Variants in RCHY1 observed in about 807,000 individuals in gnomAD.
RCHY1 encodes the protein RING finger and CHY zinc finger domain-containing protein 1.
A neutral mutation model predicts 41.6 loss-of-function variants in RCHY1; 21 were observed. The ratio of observed to expected loss-of-function variants is 0.51; its 90% confidence interval spans 0.36 to 0.73. The LOEUF (loss-of-function observed/expected upper bound fraction) is 0.73. RCHY1 is among the 30% of genes least tolerant of loss of function. The probability of loss-of-function intolerance (pLI) is 0.00; values close to 1 mark genes in which losing one functional copy is unlikely to be tolerated. For missense variants in RCHY1, 265 were observed against 325.3 expected, an observed-to-expected ratio of 0.81 and a Z score of 1.43; for synonymous variants, 79 against 102.9, an observed-to-expected ratio of 0.77 and a Z score of 1.41.
intron 3 of RCHY1, among the ~76,000 whole-genome samples, chr4:75,504,865 T>C (rs577161184): frequency 2.0e-5 from 3 of 152,346 alleles, no homozygotes; most frequent in African/African-American, 7.2e-5. Context: ...AAAATATTTT[T>C]TAAAGTAAAA....
At chr4:75,505,237 A>C (rs948996539) in intron 3 of RCHY1, among the ~76,000 whole-genome samples, 4 of 152,200 alleles carry the variant, frequency 2.6e-5, no homozygotes, top group Non-Finnish European at 5.9e-5. Context: ...GGCAGAGCTC[A>C]GACAGTAATG....
chr4:75,505,308 C>A (rs1232357373), intron 3 of RCHY1, among the ~76,000 whole-genome samples: 1 of 152,148 alleles, frequency 6.6e-6, no homozygotes, highest in Non-Finnish European at 1.5e-5. Context: ...GGCCATGCAC[C>A]AGAATCCGCA....
chr4:75,486,843 G>A (rs1290560154), intron 8 of RCHY1, among the ~76,000 whole-genome samples: 3 of 152,130 alleles, frequency 2.0e-5, no homozygotes, highest in Admixed American at 2.0e-4. Flanking sequence ...GCCAGGCGTA[G>A]TGGTGTGCGC....
At chr4:75,487,832 TA>T in intron 8 of RCHY1, among the ~76,000 whole-genome samples, 1 of 106,774 alleles carries the variant, frequency 9.4e-6, no homozygotes, top group Admixed American at 1.1e-4. Context: ...ATAATATATA[TA>T]TTCATAATAT....
chr4:75,508,991 T>C (rs961317120), intron 2 of RCHY1, 56 bp from the exon 3 acceptor site: 15 of 1,327,678 alleles, frequency 1.1e-5, no homozygotes, highest in Non-Finnish European at 1.5e-5. Flanking sequence ...GAGTTACCAT[T>C]TGAATATCTA....
intron 3 of RCHY1, chr4:75,494,492 T>C (rs2148734534): frequency 7.8e-6 from 2 of 254,900 alleles, no homozygotes; most frequent in South Asian, 6.5e-5. Context: ...ATTCTGCAAC[T>C]TTTTTTCACT....
intron 1 of RCHY1, among the ~76,000 whole-genome samples, chr4:75,510,763 A>T (rs1210377589): frequency 6.6e-6 from 1 of 152,198 alleles, no homozygotes; most frequent in Non-Finnish European, 1.5e-5. Context: ...GGTTTTTAAA[A>T]TATTACTTCT....
At chr4:75,483,189 A>C (rs1721667550) in intron 8 of RCHY1, among the ~76,000 whole-genome samples, 1 of 152,210 alleles carries the variant, frequency 6.6e-6, no homozygotes, top group African/African-American at 2.4e-5. Flanking sequence ...CTCTTCGCTC[A>C]TCCCTACAAT....
Position 75,479,183 on chromosome 4 carries a change from A to G in RCHY1, c.*3355T>C, listed in dbSNP as rs2148696869. 1 of 152,276 alleles carries G rather than the reference A, an allele frequency of 6.6e-6. No individual in the cohort carries two copies. The highest frequency in any genetic ancestry group is 1.5e-5 in the Non-Finnish European group (1 of 67,974). The allele number at this position is 152,276 out of a possible 1,614,324, so 9.4% of individuals were successfully genotyped here. A position where few individuals can be genotyped will look rare whatever the true frequency, so the allele number is the denominator to read the frequency against. On this transcript the variant is annotated 3_prime_UTR_variant, in exon 9 of 9. Coordinates refer to ENST00000324439, the MANE Select transcript of RCHY1 (RefSeq NM_015436.4). ...TGGTATGAGGCAATAAATTTATTAC[A>G]TTGATTTAATCATTCTACACTGTAA...
At position 75,490,461 on chromosome 4, in the gene RCHY1, C is replaced by T. The variant is rs548056199; in HGVS notation, c.657+120G>A. The stretch of plus-strand genomic sequence containing the variant: ...ATTTTGTGCTTTCCATTAATCATCA[C>T]ATTAGCATCTGTGTCAAACCAGTAT... On this transcript the variant is annotated intron_variant, in intron 8 of 8. Coordinates refer to ENST00000324439, the MANE Select transcript of RCHY1 (RefSeq NM_015436.4). The T allele has an allele frequency of 6.9e-5, 44 of 640,208 alleles. No homozygotes were observed. The African/African-American group carries it at 7.8e-4, about 11-fold the overall frequency. 39.7% of individuals were successfully genotyped at this position (640,208 alleles called of 1,614,324 possible). A position where few individuals can be genotyped will look rare whatever the true frequency, so the allele number is the denominator to read the frequency against.
Position 75,482,452 on chromosome 4 carries a change from A to T in RCHY1, c.*86T>A. ...ACAAAACACATCAACTCTAATGCAT[A>T]GATGACGACACATGATAACACGATA... On this transcript the variant is annotated 3_prime_UTR_variant, in exon 9 of 9. Coordinates refer to ENST00000324439, the MANE Select transcript of RCHY1 (RefSeq NM_015436.4). 7.8e-7 allele frequency: 1 copy of T among 1,279,430 alleles called. No individual in the cohort carries two copies. The highest frequency in any genetic ancestry group is 1.1e-6 in the Non-Finnish European group (1 of 944,942). 79.3% of individuals were successfully genotyped at this position (1,279,430 alleles called of 1,614,324 possible).
At chr4:75,500,809 GT>G (rs1405001700) in intron 3 of RCHY1, among the ~76,000 whole-genome samples, 1 of 152,074 alleles carries the variant, frequency 6.6e-6, no homozygotes, top group African/African-American at 2.4e-5. Context: ...AGACAAAAAT[GT>G]TTAATTCCCA....
chr4:75,484,217 G>A (rs1025527733), intron 8 of RCHY1, among the ~76,000 whole-genome samples: 3 of 152,174 alleles, frequency 2.0e-5, no homozygotes, highest in South Asian at 2.1e-4. Flanking sequence ...GTAAGGTACC[G>A]TTAGGCCCTT....
upstream of RCHY1, chr4:75,514,451 G>A (rs758366808): frequency 2.7e-4 from 200 of 730,386 alleles, no homozygotes; most frequent in Non-Finnish European, 3.1e-4. Context: ...GGTTCCCGGG[G>A]CTACGAGGCG....
intron 3 of RCHY1, among the ~76,000 whole-genome samples, chr4:75,497,208 T>G (rs796250931): frequency 6.6e-6 from 1 of 152,146 alleles, no homozygotes; most frequent in African/African-American, 2.4e-5. Context: ...TGAGACAACT[T>G]CAAGCAACCT....
At chr4:75,494,395 A>C in intron 3 of RCHY1, 1 of 429,200 alleles carries the variant, frequency 2.3e-6, no homozygotes. Context: ...TTCTTTTTCT[A>C]TAAAATTGCA....
At chr4:75,492,350 A>T (rs1001443453) in intron 4 of RCHY1, among the ~76,000 whole-genome samples, 3 of 152,012 alleles carry the variant, frequency 2.0e-5, no homozygotes, top group Admixed American at 2.0e-4. Flanking sequence ...GAAATTTACT[A>T]CATGCCATGT....
At chr4:75,499,750 C>T (rs1460332519) in intron 3 of RCHY1, among the ~76,000 whole-genome samples, 1 of 152,080 alleles carries the variant, frequency 6.6e-6, no homozygotes, top group Non-Finnish European at 1.5e-5. Context: ...GGCTGGAAGA[C>T]ACCAGAAGCC....
At chr4:75,485,010 GCTTAA>G (rs943794132) in intron 8 of RCHY1, among the ~76,000 whole-genome samples, 1 of 152,080 alleles carries the variant, frequency 6.6e-6, no homozygotes, top group African/African-American at 2.4e-5. Flanking sequence ...CAAATAAAAA[GCTTAA>G]CTAACTGATA....
Sources: gnomAD v4.1 joint callset for allele counts (sites outside exome capture counted in the v4.1 genomes callset) on GRCh38, gnomAD v4.1.1 for gene constraint, MANE v1.5 for transcripts, NCBI Gene and HGNC (gene_info 2026-07-23, HGNC 2026-07-21) for gene names.